Variants in PATJ observed in about 807,000 individuals in gnomAD.
The protein encoded by PATJ is inaD-like protein.
PATJ carries 190 observed loss-of-function variants against 224.9 expected under a neutral mutation model. The ratio of observed to expected loss-of-function variants is 0.84; its 90% CI spans 0.75 to 0.95. The LOEUF is 0.95. Ranked by LOEUF, PATJ falls within the 40% of genes least tolerant of loss-of-function variation. The probability of loss-of-function intolerance (pLI) is 0.00; values close to 1 mark genes in which losing one functional copy is unlikely to be tolerated. For missense variants in PATJ, 2,121 were observed against 2,270.3 expected, an observed-to-expected ratio of 0.93 and a Z score of 1.34; for synonymous variants, 769 against 820.3, an observed-to-expected ratio of 0.94 and a Z score of 1.07.
rs182331150 is a variant in PATJ, at chr1:61,948,085, T to C, written c.3670+20256T>C. Among the ~76,000 whole-genome samples, 63 of 152,314 alleles carry C rather than the reference T, an allele frequency of 4.1e-4. No individual in the cohort carries two copies. In the East Asian group the frequency reaches 8.9e-3, roughly 21 times the overall value. ...ATTCAAGTTGGATTAAAGACTTAAA[T>C]GTTAGACCTAAAACCATAAAAACCC... On this transcript the variant is annotated intron_variant, in intron 27 of 43. Transcript: ENST00000642238.
chr1:62,125,568 A>G (rs1360235516), intron 39 of PATJ, among the ~76,000 whole-genome samples: 2 of 152,186 alleles, frequency 1.3e-5, no homozygotes, highest in Admixed American at 1.3e-4. Flanking sequence ...AACAGTATAT[A>G]TAATTATAGA....
intron 26 of PATJ, among the ~76,000 whole-genome samples, chr1:61,917,436 C>T (rs1673609225): frequency 6.6e-6 from 1 of 152,164 alleles, no homozygotes; most frequent in Admixed American, 6.5e-5. Context: ...TGAATTTAAT[C>T]AGATATATTA....
At chr1:62,078,055 T>C (rs1415251025) in intron 31 of PATJ, among the ~76,000 whole-genome samples, 1 of 152,218 alleles carries the variant, frequency 6.6e-6, no homozygotes, top group Admixed American at 6.5e-5. Context: ...GAGGCACAGC[T>C]TTCCACTGAC....
intron 25 of PATJ, 70 bp from the exon 26 acceptor site, chr1:61,914,517 A>T (rs1417524065): frequency 2.7e-6 from 2 of 731,194 alleles, no homozygotes; most frequent in Non-Finnish European, 4.6e-6. Flanking sequence ...TGGAATGTCA[A>T]GAGAAAAAAA....
chr1:61,890,112 T>C (rs1248827699), intron 22 of PATJ, among the ~76,000 whole-genome samples: 20 of 152,232 alleles, frequency 1.3e-4, no homozygotes, highest in Admixed American at 1.2e-3. Flanking sequence ...TTTATACCTG[T>C]ATGACCCTGA....
At chr1:62,017,251 T>C (rs1646818615) in intron 28 of PATJ, among the ~76,000 whole-genome samples, 2 of 151,780 alleles carry the variant, frequency 1.3e-5, no homozygotes, top group African/African-American at 4.8e-5. Flanking sequence ...CCATCTCTAC[T>C]AAAAATACAA....
intron 41 of PATJ, among the ~76,000 whole-genome samples, chr1:62,141,674 C>CAA (rs11322309): frequency 4.4e-5 from 6 of 137,186 alleles, no homozygotes; most frequent in Admixed American, 7.2e-5. Context: ...GACTCTGTCT[C>CAA]AAAAAAAAAA....
At chr1:61,816,628 A>G (rs1656159497) in intron 14 of PATJ, 2 of 152,310 alleles carry the variant, frequency 1.3e-5, no homozygotes, top group East Asian at 3.9e-4. Flanking sequence ...TTTTAAATAG[A>G]TAATATATGG....
At chr1:61,831,205 A>AG (rs1180561771) in intron 16 of PATJ, among the ~76,000 whole-genome samples, 2 of 151,068 alleles carry the variant, frequency 1.3e-5, no homozygotes, top group African/African-American at 4.9e-5. Context: ...AAAAAAAAAA[A>AG]GTAAAACCTA....
intron 14 of PATJ, among the ~76,000 whole-genome samples, chr1:61,821,043 C>CTTT (rs113639554): frequency 7.0e-6 from 1 of 143,282 alleles, no homozygotes; most frequent in African/African-American, 2.6e-5. Flanking sequence ...GAAAAACTAT[C>CTTT]TTTTTTTTTT....
At position 62,163,607 on chromosome 1, in the gene PATJ, A is replaced by T. The variant is rs949145849; in HGVS notation, c.*2553A>T. ...TGCTTTATACTTCTTACTGCACTAA[A>T]TTGATAGAACTAGTACTTGTCATAA... On this transcript the variant is annotated 3_prime_UTR_variant, in exon 44 of 44. Coordinates refer to ENST00000642238, the MANE Select transcript of PATJ (RefSeq NM_001350145.3). 9.8e-5 allele frequency: 15 copies of T among 152,610 alleles called. No homozygotes were observed. The highest frequency in any genetic ancestry group is 3.1e-4 in the African/African-American group (13 of 41,446). The allele number at this position is 152,610 out of a possible 1,614,324, so 9.5% of individuals were successfully genotyped here.
At chr1:62,057,564 T>C (rs1467009142) in intron 31 of PATJ, among the ~76,000 whole-genome samples, 1 of 152,186 alleles carries the variant, frequency 6.6e-6, no homozygotes, top group Non-Finnish European at 1.5e-5. Flanking sequence ...CCATGAGAGA[T>C]GGTGGAAACA....
chr1:61,986,766 TTAATGTTTTCTAAGAAG>T (rs1368965754), intron 27 of PATJ, among the ~76,000 whole-genome samples: 1 of 152,238 alleles, frequency 6.6e-6, no homozygotes, highest in African/African-American at 2.4e-5. Flanking sequence ...GCCTATCTTA[TTAATGTTTTCTAAGAAG>T]TAGGTTTTAA....
At chr1:61,914,765 C>CTTTTTGATGAGTGTATATGAGA (rs1296882863) in intron 26 of PATJ, 101 bp downstream of exon 26, 2 of 627,604 alleles carry the variant, frequency 3.2e-6, no homozygotes, top group African/African-American at 3.7e-5. Context: ...TGATGAGTGT[C>CTTTTTGATGAGTGTATATGAGA]AGTGTTGTAG....
At chr1:61,873,625 A>T (rs1159405932) in intron 20 of PATJ, among the ~76,000 whole-genome samples, 1 of 152,238 alleles carries the variant, frequency 6.6e-6, no homozygotes, top group African/African-American at 2.4e-5. Context: ...GAAGTCCAAG[A>T]TGAAGGTGTC....
At chr1:62,066,673 C>T (rs1656491453) in intron 31 of PATJ, among the ~76,000 whole-genome samples, 1 of 152,194 alleles carries the variant, frequency 6.6e-6, no homozygotes, top group Non-Finnish European at 1.5e-5. Flanking sequence ...CAGACAAAAT[C>T]AACCCACTGA....
chr1:61,976,317 C>A (rs2149482733), intron 27 of PATJ, among the ~76,000 whole-genome samples: 1 of 152,158 alleles, frequency 6.6e-6, no homozygotes, highest in South Asian at 2.1e-4. Flanking sequence ...TGAGTTTAGG[C>A]AAGTTCCATA....
At chr1:61,826,094 A>C (rs1658197183) in intron 15 of PATJ, among the ~76,000 whole-genome samples, 1 of 152,190 alleles carries the variant, frequency 6.6e-6, no homozygotes, top group South Asian at 2.1e-4. Context: ...TTACCAGTAG[A>C]GCTAGCTTCC....
intron 29 of PATJ, among the ~76,000 whole-genome samples, chr1:62,033,908 G>A (rs747593178): frequency 6.6e-6 from 1 of 152,152 alleles, no homozygotes; most frequent in Non-Finnish European, 1.5e-5. Flanking sequence ...CTTGTGCTCA[G>A]AGTGGGAGAA....
Sources: allele counts gnomAD v4.1 joint callset (sites outside exome capture counted in the v4.1 genomes callset), GRCh38; gene constraint gnomAD v4.1.1; transcripts MANE v1.5; gene names NCBI Gene and HGNC (gene_info 2026-07-23, HGNC 2026-07-21).